Variants in UBL3 observed in about 807,000 individuals in gnomAD.
UBL3 encodes ubiquitin-like protein 3.
UBL3 carries 6 observed loss-of-function variants against 18.4 expected under a neutral mutation model. That is an observed-to-expected ratio of 0.33 (90% CI 0.18 to 0.64). UBL3 has a LOEUF of 0.64. Among genes scored for constraint, UBL3 ranks in the 30% least tolerant of loss-of-function variants. UBL3 has a pLI of 0.76. For synonymous variants in UBL3, 49 were observed against 46.6 expected (o/e 1.05, Z -0.21); for missense variants, 109 against 142.9 (o/e 0.76, Z 1.21).
chr13:29,842,116 ACTC>A (rs1404372930), intron 1 of UBL3, among the ~76,000 whole-genome samples: 1 of 146,648 alleles, frequency 6.8e-6, no homozygotes, highest in Non-Finnish European at 1.5e-5. Flanking sequence ...CCTACTGAAA[ACTC>A]CTCCCATTCT....
intron 1 of UBL3, among the ~76,000 whole-genome samples, chr13:29,817,407 C>T (rs1565997340): frequency 4.6e-5 from 7 of 152,090 alleles, no homozygotes; most frequent in Admixed American, 4.6e-4. Flanking sequence ...TTCAGGTTTG[C>T]TCCAATGTTT....
At chr13:29,767,952 T>A (rs1284952828) in intron 3 of UBL3, among the ~76,000 whole-genome samples, 1 of 152,054 alleles carries the variant, frequency 6.6e-6, no homozygotes, top group Non-Finnish European at 1.5e-5. Flanking sequence ...AGAAAAAATA[T>A]GTAATTGGCT....
chr13:29,849,419 C>G (rs1879311711), intron 1 of UBL3, 93 bp downstream of exon 1: 1 of 1,574,396 alleles, frequency 6.4e-7, no homozygotes. Flanking sequence ...TCGACAGTCC[C>G]CAGCAAATCT....
At chr13:29,784,547 C>T in intron 1 of UBL3, among the ~76,000 whole-genome samples, 1 of 151,628 alleles carries the variant, frequency 6.6e-6, no homozygotes, top group South Asian at 2.1e-4. Context: ...AGGTATTAGA[C>T]CCTTTTTGCA....
rs1566001101 is a variant in UBL3, at chr13:29,835,140, ATATATATATATATATATATATATAT to A, written c.27+14347_27+14371del. On this transcript the variant is annotated intron_variant, in intron 1 of 4. Transcript: ENST00000380680. The stretch of plus-strand genomic sequence containing the variant: ...TATATATATAAATATATATATATAT[ATATATATATATATATATATATATAT>A]ATATATATATATATATATATCTCCA... Among the ~76,000 whole-genome samples the A allele has an allele frequency of 8.9e-4, 10 of 11,292 alleles. 2 individuals are homozygous for A. Among genetic ancestry groups the A allele is most frequent in the Non-Finnish European group, 1.4e-3 (9 of 6,228 alleles). 7.4% of individuals were successfully genotyped at this position (11,292 alleles called of 152,430 possible). A position where few individuals can be genotyped will look rare whatever the true frequency, so the allele number is the denominator to read the frequency against.
chr13:29,821,593 T>C (rs568534276), intron 1 of UBL3, among the ~76,000 whole-genome samples: 14 of 152,352 alleles, frequency 9.2e-5, no homozygotes, highest in Admixed American at 5.2e-4. Context: ...CAAAAGAACA[T>C]GCTAACTTCT....
chr13:29,831,191 A>G (rs1429525105), intron 1 of UBL3, among the ~76,000 whole-genome samples: 1 of 152,130 alleles, frequency 6.6e-6, no homozygotes, highest in African/African-American at 2.4e-5. Flanking sequence ...AAAAATTTAT[A>G]CTTTTTAGAC....
At chr13:29,794,315 A>G (rs974208114) in intron 1 of UBL3, among the ~76,000 whole-genome samples, 2 of 151,846 alleles carry the variant, frequency 1.3e-5, no homozygotes, top group African/African-American at 4.8e-5. Context: ...CTTCAATAGC[A>G]ATTCAACATT....
rs1444715870 is a variant in UBL3 at position 29,807,845 on chromosome 13, T to G, written c.28-30582A>C. 2.0e-5 allele frequency among the ~76,000 whole-genome samples: 3 copies of G among 152,208 alleles called. No homozygotes were observed. The East Asian group carries it at 5.8e-4, about 29-fold the overall frequency. ...AACCAAAATATTTACAAAGGCTATC[T>G]TTGGGAGGTAACAATATGGATGACT... is the stretch of plus-strand genomic sequence containing the variant. On this transcript the variant is annotated intron_variant, in intron 1 of 4. Transcript: ENST00000380680.
At chr13:29,771,446 C>A (rs1054261637) in intron 3 of UBL3, among the ~76,000 whole-genome samples, 4 of 151,982 alleles carry the variant, frequency 2.6e-5, no homozygotes, top group African/African-American at 9.7e-5. Flanking sequence ...ATGTGCCAAG[C>A]ACCATTTATG....
At chr13:29,814,455 T>TATAATAAAAA (rs754570009) in intron 1 of UBL3, among the ~76,000 whole-genome samples, 4,260 of 151,772 alleles carry the variant, frequency 0.028, 117 homozygotes, top group African/African-American at 0.061. Context: ...ATAACAACTA[T>TATAATAAAAA]ATAATAAAAA....
intron 1 of UBL3, among the ~76,000 whole-genome samples, chr13:29,825,717 A>G (rs1040766653): frequency 6.6e-6 from 1 of 152,236 alleles, no homozygotes; most frequent in Non-Finnish European, 1.5e-5. Context: ...CTCTGGCCAG[A>G]AATTCCAACA....
At chr13:29,817,353 A>G (rs1878308132) in intron 1 of UBL3, among the ~76,000 whole-genome samples, 1 of 152,216 alleles carries the variant, frequency 6.6e-6, no homozygotes, top group Non-Finnish European at 1.5e-5. Flanking sequence ...TCTGATGGAT[A>G]AATGGGCAGC....
intron 1 of UBL3, among the ~76,000 whole-genome samples, chr13:29,801,899 C>A (rs1877777708): frequency 6.6e-6 from 1 of 152,176 alleles, no homozygotes; most frequent in South Asian, 2.1e-4. Context: ...GTGAAAGGCC[C>A]TCTGCCACAG....
intron 1 of UBL3, among the ~76,000 whole-genome samples, chr13:29,820,899 C>T (rs1390968139): frequency 6.6e-6 from 1 of 152,152 alleles, no homozygotes; most frequent in African/African-American, 2.4e-5. Flanking sequence ...AGTATGCCTT[C>T]CCAGAATTCT....
At chr13:29,781,870 T>A (rs1249561023) in intron 1 of UBL3, among the ~76,000 whole-genome samples, 1 of 142,636 alleles carries the variant, frequency 7.0e-6, no homozygotes, top group Admixed American at 7.1e-5. Flanking sequence ...TGGTGGCACA[T>A]GCCTATAGTA....
intron 1 of UBL3, among the ~76,000 whole-genome samples, chr13:29,809,638 C>G (rs1479938814): frequency 2.0e-5 from 3 of 152,014 alleles, no homozygotes; most frequent in Admixed American, 1.3e-4. Flanking sequence ...GAAGACTTTG[C>G]AAGAGTTTAG....
intron 1 of UBL3, among the ~76,000 whole-genome samples, chr13:29,795,509 ATAT>A (rs1446952708): frequency 6.6e-6 from 1 of 151,996 alleles, no homozygotes; most frequent in Non-Finnish European, 1.5e-5. Flanking sequence ...AACATTAGTT[ATAT>A]TATTAACAAT....
intron 1 of UBL3, among the ~76,000 whole-genome samples, chr13:29,828,083 C>A (rs1042447295): frequency 1.3e-5 from 2 of 152,110 alleles, no homozygotes; most frequent in African/African-American, 4.8e-5. Context: ...TTGTGGGTAA[C>A]CCGACCTTTC....
Sources: allele counts gnomAD v4.1 joint callset (sites outside exome capture counted in the v4.1 genomes callset), GRCh38; gene constraint gnomAD v4.1.1; transcripts MANE v1.5; gene names NCBI Gene and HGNC (gene_info 2026-07-23, HGNC 2026-07-21).